ZNF804B: variants seen among roughly 807,000 people sequenced by gnomAD.
ZNF804B encodes zinc finger 804B.
ZNF804B carries 80 observed loss-of-function variants against 101.4 expected under a neutral mutation model. The observed-to-expected ratio is 0.79, with a 90% CI of 0.66 to 0.95. The LOEUF (loss-of-function observed/expected upper bound fraction) is 0.95, where lower values mean the gene tolerates loss of function less well. Ranked by LOEUF, ZNF804B falls within the 40% of genes least tolerant of loss-of-function variation. The pLI is 0.00. For missense variants in ZNF804B, 1,673 were observed against 1,561.9 expected (o/e 1.07, Z -1.20); for synonymous variants, 622 against 558.8 (o/e 1.11, Z -1.59).
At position 89,333,986 on chromosome 7, in the gene ZNF804B, A is replaced by AT; in HGVS notation, c.1008dup (p.Thr337TyrfsTer10). Reference sequence around the variant, plus strand: ...TCTAACATTCATCTTTCAGATGTAGATTTTACTCCTACCAGCAGAGAAAAA... The same window carrying AT: ...TCTAACATTCATCTTTCAGATGTAGATTTTTACTCCTACCAGCAGAGAAAAA... On this transcript the variant is annotated frameshift_variant, in exon 4 of 4. Coordinates refer to ENST00000333190, the MANE Select transcript of ZNF804B (RefSeq NM_181646.5). LOFTEE classifies it high-confidence loss of function. 6.2e-7 allele frequency: 1 copy of AT among 1,613,528 alleles called. No homozygotes were observed. The highest frequency in any genetic ancestry group is 8.5e-7 in the Non-Finnish European group (1 of 1,179,762).
intron 1 of ZNF804B, among the ~76,000 whole-genome samples, chr7:89,032,872 T>A (rs1788860177): frequency 6.6e-6 from 1 of 152,106 alleles, no homozygotes; most frequent in Admixed American, 6.6e-5. Context: ...TGTTATAATT[T>A]ATGAATATAA....
intron 2 of ZNF804B, among the ~76,000 whole-genome samples, chr7:89,310,631 C>T (rs1375179411): frequency 6.6e-6 from 1 of 152,174 alleles, no homozygotes; most frequent in Non-Finnish European, 1.5e-5. Flanking sequence ...CTGCAATATT[C>T]TCAGCAGCAG....
intron 3 of ZNF804B, among the ~76,000 whole-genome samples, chr7:89,329,313 C>G (rs1790943091): frequency 6.6e-6 from 1 of 151,678 alleles, no homozygotes; most frequent in Non-Finnish European, 1.5e-5. Context: ...GCCAATTGCT[C>G]TCTCTGCTTA....
intron 1 of ZNF804B, among the ~76,000 whole-genome samples, chr7:89,052,384 A>T (rs1033227659): frequency 6.6e-6 from 1 of 152,184 alleles, no homozygotes; most frequent in South Asian, 2.1e-4. Flanking sequence ...AAATTACAGG[A>T]TAACCAAAGC....
At chr7:88,941,550 T>C (rs536085985) in intron 1 of ZNF804B, among the ~76,000 whole-genome samples, 202 of 152,082 alleles carry the variant, frequency 1.3e-3, no homozygotes, top group African/African-American at 4.6e-3. Flanking sequence ...TATGACCTTC[T>C]GGAAAAGGAA....
intron 2 of ZNF804B, among the ~76,000 whole-genome samples, chr7:89,325,354 A>T (rs1790881840): frequency 6.6e-6 from 1 of 152,036 alleles, no homozygotes; most frequent in Non-Finnish European, 1.5e-5. Context: ...CTATTCCTGT[A>T]TATTTCCAAA....
chr7:88,922,186 T>C (rs921592218), intron 1 of ZNF804B, among the ~76,000 whole-genome samples: 1 of 152,062 alleles, frequency 6.6e-6, no homozygotes. Flanking sequence ...AAAGTTAATA[T>C]GCAAAGTAAA....
intron 2 of ZNF804B, among the ~76,000 whole-genome samples, chr7:89,279,979 C>A (rs1208866): frequency 3.6e-4 from 55 of 151,652 alleles, no homozygotes; most frequent in African/African-American, 1.2e-3. Context: ...CACACCACAC[C>A]TATTCCAAAA....
intron 1 of ZNF804B, among the ~76,000 whole-genome samples, chr7:89,008,420 C>A (rs1363935227): frequency 6.6e-6 from 1 of 152,170 alleles, no homozygotes; most frequent in African/African-American, 2.4e-5. Flanking sequence ...TCCACAGATA[C>A]TACATCTGCC....
intron 1 of ZNF804B, among the ~76,000 whole-genome samples, chr7:88,984,806 T>C (rs1232169439): frequency 6.6e-6 from 1 of 152,084 alleles, no homozygotes; most frequent in Non-Finnish European, 1.5e-5. Context: ...GAAAACCATA[T>C]TGCAGTTGTC....
At chr7:88,866,002 A>G (rs1288359248) in intron 1 of ZNF804B, among the ~76,000 whole-genome samples, 1 of 152,182 alleles carries the variant, frequency 6.6e-6, no homozygotes, top group Admixed American at 6.5e-5. Flanking sequence ...TCACTTTTAG[A>G]TTCATCTTTG....
At chr7:88,995,301 G>T (rs1793905718) in intron 1 of ZNF804B, among the ~76,000 whole-genome samples, 1 of 152,008 alleles carries the variant, frequency 6.6e-6, no homozygotes, top group Non-Finnish European at 1.5e-5. Flanking sequence ...AAGTAGCTAT[G>T]AAACTTAAGT....
intron 1 of ZNF804B, among the ~76,000 whole-genome samples, chr7:88,763,012 A>C (rs1294807065): frequency 2.0e-5 from 3 of 152,216 alleles, no homozygotes; most frequent in African/African-American, 4.8e-5. Flanking sequence ...TACAGAAAGG[A>C]GAAAGCTACA....
chr7:88,861,805 A>C (rs527463441), intron 1 of ZNF804B, among the ~76,000 whole-genome samples: 1 of 152,278 alleles, frequency 6.6e-6, no homozygotes, highest in South Asian at 2.1e-4. Flanking sequence ...TACTTTAACT[A>C]TTTTGGAGAA....
intron 1 of ZNF804B, among the ~76,000 whole-genome samples, chr7:88,768,692 TG>T (rs1790020047): frequency 6.6e-6 from 1 of 152,344 alleles, no homozygotes; most frequent in East Asian, 1.9e-4. Flanking sequence ...CACTCCAGCC[TG>T]GGTGGCAGAG....
intron 2 of ZNF804B, among the ~76,000 whole-genome samples, chr7:89,255,725 G>A (rs1327131044): frequency 2.0e-5 from 3 of 151,960 alleles, no homozygotes; most frequent in Admixed American, 1.3e-4. Context: ...TAAGGAAAAC[G>A]ATAATTTAAA....
chr7:88,899,496 C>A (rs1792357443), intron 1 of ZNF804B, among the ~76,000 whole-genome samples: 1 of 152,172 alleles, frequency 6.6e-6, no homozygotes, highest in Non-Finnish European at 1.5e-5. Context: ...TCATATTCTT[C>A]ATTCAAGTTT....
At chr7:88,902,319 A>G (rs1426501903) in intron 1 of ZNF804B, among the ~76,000 whole-genome samples, 3 of 152,034 alleles carry the variant, frequency 2.0e-5, no homozygotes, top group South Asian at 2.1e-4. Flanking sequence ...GCGCATCTCT[A>G]TAGAGACTTC....
At chr7:89,328,847 G>A (rs567214600) in intron 3 of ZNF804B, among the ~76,000 whole-genome samples, 31 of 151,952 alleles carry the variant, frequency 2.0e-4, no homozygotes, top group Non-Finnish European at 1.8e-4. Flanking sequence ...TTGTTATTAT[G>A]AAAGTTGTCA....
Sources: gnomAD v4.1 joint callset for allele counts (sites outside exome capture counted in the v4.1 genomes callset) on GRCh38, gnomAD v4.1.1 for gene constraint, MANE v1.5 for transcripts, NCBI Gene and HGNC (gene_info 2026-07-23, HGNC 2026-07-21) for gene names.